The following SLC24A3 variants were observed in gnomAD, a reference collection of about 807,000 sequenced individuals.
The protein encoded by SLC24A3 is sodium/potassium/calcium exchanger 3.
SLC24A3 carries 28 observed loss-of-function variants against 75.8 expected under a neutral mutation model. The ratio of observed to expected loss-of-function variants is 0.37; its 90% CI spans 0.27 to 0.51. The LOEUF is 0.51. Among genes scored for constraint, SLC24A3 ranks in the 20% least tolerant of loss-of-function variants. The pLI is 0.94. For missense variants in SLC24A3, 663 were observed against 847.8 expected (o/e 0.78, Z 2.71); for synonymous variants, 372 against 334.1 (o/e 1.11, Z -1.24).
At position 19,696,943 on chromosome 20, in the gene SLC24A3, G is replaced by C. The variant is rs377595496; in HGVS notation, c.1606+32G>C. The C allele has an allele frequency of 1.3e-4, 113 of 842,302 alleles. 1 individual carries two copies. Among genetic ancestry groups the C allele is most frequent in the Non-Finnish European group, 2.0e-4 (107 of 526,214 alleles). 52.2% of individuals were successfully genotyped at this position (842,302 alleles called of 1,614,324 possible). On this transcript the variant is annotated intron_variant, in intron 14 of 16. Coordinates refer to ENST00000328041, the MANE Select transcript of SLC24A3 (RefSeq NM_020689.4). The stretch of plus-strand genomic sequence containing the variant: ...CTTCCAGTGGCAATGGGGAAGGAGG[G>C]AGGGAGGGAGGAGGAGAGGGAGGGA...
intron 2 of SLC24A3, among the ~76,000 whole-genome samples, chr20:19,435,887 A>G (rs1987191527): frequency 6.6e-6 from 1 of 152,172 alleles, no homozygotes; most frequent in Non-Finnish European, 1.5e-5. Flanking sequence ...CCAAGAATGA[A>G]TGATATAATG....
At chr20:19,378,810 GA>G (rs1986131169) in intron 2 of SLC24A3, among the ~76,000 whole-genome samples, 1 of 151,654 alleles carries the variant, frequency 6.6e-6, no homozygotes, top group African/African-American at 2.4e-5. Flanking sequence ...AGATCTTGGG[GA>G]AAAGCAATCA....
chr20:19,247,550 C>T (rs1982530744), intron 1 of SLC24A3, among the ~76,000 whole-genome samples: 1 of 152,242 alleles, frequency 6.6e-6, no homozygotes, highest in East Asian at 1.9e-4. Context: ...AGGCAGCAGA[C>T]AGTTCCCAAT....
At chr20:19,487,503 T>G (rs1288901610) in intron 2 of SLC24A3, among the ~76,000 whole-genome samples, 2 of 152,176 alleles carry the variant, frequency 1.3e-5, no homozygotes, top group Admixed American at 1.3e-4. Flanking sequence ...CAAAATGCCT[T>G]TTGCCTGATT....
intron 3 of SLC24A3, among the ~76,000 whole-genome samples, chr20:19,578,393 C>T (rs2031172011): frequency 6.6e-6 from 1 of 151,946 alleles, no homozygotes; most frequent in Non-Finnish European, 1.5e-5. Flanking sequence ...CGGCTTCTCA[C>T]TGTGGGAGCA....
At chr20:19,412,693 C>T (rs1986767063) in intron 2 of SLC24A3, among the ~76,000 whole-genome samples, 3 of 152,040 alleles carry the variant, frequency 2.0e-5, no homozygotes, top group Admixed American at 2.0e-4. Flanking sequence ...TAAGATCTCC[C>T]ACAGAATAGT....
chr20:19,385,552 G>A (rs146490039), intron 2 of SLC24A3, among the ~76,000 whole-genome samples: 1 of 152,020 alleles, frequency 6.6e-6, no homozygotes, highest in African/African-American at 2.4e-5. Flanking sequence ...TTTGAAGTCA[G>A]GTGGCGTGAT....
intron 6 of SLC24A3, among the ~76,000 whole-genome samples, chr20:19,648,821 C>G (rs2032167380): frequency 6.6e-6 from 1 of 152,102 alleles, no homozygotes; most frequent in Admixed American, 6.6e-5. Context: ...GCTGCATATT[C>G]AATAGAGAAT....
At chr20:19,281,243 A>G (rs1983655492) in intron 2 of SLC24A3, among the ~76,000 whole-genome samples, 156 bp downstream of exon 2, 1 of 152,178 alleles carries the variant, frequency 6.6e-6, no homozygotes, top group Non-Finnish European at 1.5e-5. Flanking sequence ...TGACATCCTG[A>G]GGGACTATTA....
At chr20:19,627,817 C>T (rs1292380552) in intron 6 of SLC24A3, among the ~76,000 whole-genome samples, 1 of 152,010 alleles carries the variant, frequency 6.6e-6, no homozygotes, top group East Asian at 1.9e-4. Flanking sequence ...TAATAAGTGA[C>T]AAGGATTCTA....
chr20:19,677,686 C>CTTTTTTTTTTTTTTTTTTT (rs796484728), intron 9 of SLC24A3, among the ~76,000 whole-genome samples: 13 of 113,952 alleles, frequency 1.1e-4, no homozygotes, highest in South Asian at 3.2e-4. Flanking sequence ...TTTTTTTTTT[C>CTTTTTTTTTTTTTTTTTTT]TTTTTTTTTT....
intron 2 of SLC24A3, among the ~76,000 whole-genome samples, chr20:19,498,456 G>T (rs1203265014): frequency 6.8e-6 from 1 of 147,638 alleles, no homozygotes; most frequent in Non-Finnish European, 1.5e-5. Context: ...CCCACACCTT[G>T]TCTCTACTTC....
rs922715385 is a variant in SLC24A3 at position 19,455,124 on chromosome 20, C to T, written c.272-60364C>T. ...GCATTTGCAAGTAGAATGGAGTCAC[C>T]ATTATTGGTTGATGAGCACCATGCT... On this transcript the variant is annotated intron_variant, in intron 2 of 16. Coordinates refer to ENST00000328041, the MANE Select transcript of SLC24A3 (RefSeq NM_020689.4). Among the ~76,000 whole-genome samples the T allele has an allele frequency of 2.6e-5, 4 of 152,260 alleles. No individual in the cohort carries two copies. In the East Asian group the frequency reaches 7.7e-4, roughly 29 times the overall value.
chr20:19,584,607 C>T (rs1207969865), intron 4 of SLC24A3, among the ~76,000 whole-genome samples: 3 of 152,202 alleles, frequency 2.0e-5, no homozygotes, highest in African/African-American at 4.8e-5. Context: ...TGTGGCCTCC[C>T]ATGGGCCCAC....
chr20:19,341,630 TG>T (rs1985275164), intron 2 of SLC24A3, among the ~76,000 whole-genome samples: 1 of 152,210 alleles, frequency 6.6e-6, no homozygotes, highest in South Asian at 2.1e-4. Flanking sequence ...ACTCAGCAAC[TG>T]GGCACAGCTC....
At chr20:19,429,618 T>G (rs996036483) in intron 2 of SLC24A3, among the ~76,000 whole-genome samples, 2 of 152,210 alleles carry the variant, frequency 1.3e-5, no homozygotes, top group Non-Finnish European at 2.9e-5. Context: ...TTTAATAGAC[T>G]GCTTCATCTA....
chr20:19,233,134 A>G (rs6045927), intron 1 of SLC24A3, among the ~76,000 whole-genome samples: 152,007 of 152,352 alleles, frequency 1, 75,834 homozygotes, highest in Middle Eastern at 1. Flanking sequence ...ATAACAAAGC[A>G]AGAAGGAAAA....
At chr20:19,671,351 A>G (rs954574157) in intron 8 of SLC24A3, among the ~76,000 whole-genome samples, 2 of 152,220 alleles carry the variant, frequency 1.3e-5, no homozygotes, top group African/African-American at 4.8e-5. Flanking sequence ...GGAAAAAGGA[A>G]ACTTTCATTT....
intron 3 of SLC24A3, among the ~76,000 whole-genome samples, chr20:19,556,842 G>A (rs1568655200): frequency 6.6e-6 from 1 of 152,184 alleles, no homozygotes; most frequent in Admixed American, 6.5e-5. Flanking sequence ...GCAATCATGA[G>A]GTCTGCAGAC....
Sources: gnomAD v4.1 joint callset for allele counts (sites outside exome capture counted in the v4.1 genomes callset) on GRCh38, gnomAD v4.1.1 for gene constraint, MANE v1.5 for transcripts, NCBI Gene and HGNC (gene_info 2026-07-23, HGNC 2026-07-21) for gene names.